The following FKBP1A variants were observed in gnomAD, a reference collection of about 807,000 sequenced individuals.
FKBP1A encodes the protein peptidyl-prolyl cis-trans isomerase FKBP1A.
In FKBP1A, 5 loss-of-function variants were observed where a neutral mutation model predicts 14.2. That is an observed-to-expected ratio of 0.35 (90% confidence interval 0.18 to 0.74). The LOEUF is 0.74. FKBP1A is among the 30% of genes least tolerant of loss of function. The pLI, the probability that FKBP1A is intolerant of heterozygous loss-of-function variation, is 0.56. For missense variants in FKBP1A, 53 were observed against 138.8 expected (o/e 0.38, Z 3.10); for synonymous variants, 42 against 49.1 (o/e 0.86, Z 0.60).
At chr20:1,383,702 AAT>A (rs1335814824) in intron 2 of FKBP1A, among the ~76,000 whole-genome samples, 217 of 126,390 alleles carry the variant, frequency 1.7e-3, no homozygotes, top group Middle Eastern at 7.6e-3. Flanking sequence ...AAAAAAAAAA[AAT>A]TTAGCCAGAC....
In FKBP1A at chr20:1,386,870, G is replaced by A. The variant is rs1365681744; in HGVS notation, c.85+5964C>T. On this transcript the variant is annotated intron_variant, in intron 2 of 4. Transcript: ENST00000400137. This position sits in a 1 kb window ranked among gnomAD's most constrained non-coding sequence, Gnocchi z 4.7. ...CCTGGTCAAAATCAAAGGGGTCCAG[G>A]GGAGGGAATGCAGAGACTTGGTTAA... Among the ~76,000 whole-genome samples the A allele has an allele frequency of 6.6e-6, 1 of 152,134 alleles. No individual in the cohort carries two copies. Among genetic ancestry groups the A allele is most frequent in the South Asian group, 2.1e-4 (1 of 4,816 alleles).
intron 3 of FKBP1A, chr20:1,375,209 G>A (rs2089524258): frequency 1.8e-6 from 1 of 560,706 alleles, no homozygotes; most frequent in South Asian, 2.4e-5. Flanking sequence ...CCTCTTTTAT[G>A]TAGTGGTATT....
intron 2 of FKBP1A, among the ~76,000 whole-genome samples, chr20:1,388,882 T>C (rs4337542): frequency 1.3e-5 from 2 of 152,044 alleles, no homozygotes; most frequent in Non-Finnish European, 2.9e-5. Context: ...TTTCACACAA[T>C]CCACTTCCTG....
intron 2 of FKBP1A, among the ~76,000 whole-genome samples, chr20:1,383,199 GAAGAAGGC>G (rs969782603): frequency 4.6e-5 from 7 of 152,196 alleles, no homozygotes; most frequent in Non-Finnish European, 1.0e-4. Flanking sequence ...TAACAGGACT[GAAGAAGGC>G]ACCTCTACAG....
At chr20:1,371,176 G>GA (rs2089459164) in intron 4 of FKBP1A, 1 of 985,302 alleles carries the variant, frequency 1.0e-6, no homozygotes, top group African/African-American at 1.7e-5. Context: ...AAATAAAAAG[G>GA]TCTGGGGCCA....
At chr20:1,388,710 GC>G (rs1183690587) in intron 2 of FKBP1A, among the ~76,000 whole-genome samples, 5 of 142,232 alleles carry the variant, frequency 3.5e-5, no homozygotes, top group Non-Finnish European at 7.7e-5. Context: ...GCCCCCAAAA[GC>G]CCATTGTCCA....
chr20:1,389,204 A>C (rs2089704238), intron 2 of FKBP1A, among the ~76,000 whole-genome samples: 2 of 152,172 alleles, frequency 1.3e-5, no homozygotes, highest in East Asian at 3.8e-4. Flanking sequence ...CCACCAGATC[A>C]GGTCTTTGTC....
At chr20:1,381,338 A>G (rs1347542183) in intron 2 of FKBP1A, among the ~76,000 whole-genome samples, 1 of 152,252 alleles carries the variant, frequency 6.6e-6, no homozygotes, top group South Asian at 2.1e-4. Flanking sequence ...AAAAGATGCT[A>G]AACATTCCTA....
At chr20:1,375,034 G>C (rs886768332) in intron 3 of FKBP1A, among the ~76,000 whole-genome samples, 1 of 151,904 alleles carries the variant, frequency 6.6e-6, no homozygotes, top group South Asian at 2.1e-4. Flanking sequence ...ATGGGGTTTC[G>C]CCATGTTGGC....
chr20:1,371,677 T>A (rs993143353), intron 4 of FKBP1A: 3 of 983,536 alleles, frequency 3.1e-6, no homozygotes, highest in Middle Eastern at 5.2e-4. Context: ...GGCTTTTTTT[T>A]TCCCCCTCTA....
chr20:1,372,553 TCTCACCACC>T, intron 3 of FKBP1A, among the ~76,000 whole-genome samples: 1 of 152,312 alleles, frequency 6.6e-6, no homozygotes, highest in East Asian at 1.9e-4. Flanking sequence ...ATTCCAGATG[TCTCACCACC>T]TAGTCCCCTT....
At chr20:1,370,476 T>C (rs1205220157) in intron 4 of FKBP1A, 2 of 975,860 alleles carry the variant, frequency 2.0e-6, no homozygotes, top group Admixed American at 6.2e-5. Context: ...GGTTTAGGGT[T>C]TGACCTGGGC....
chr20:1,385,923 A>T (rs2089664906), intron 2 of FKBP1A, among the ~76,000 whole-genome samples: 1 of 152,232 alleles, frequency 6.6e-6, no homozygotes, highest in Non-Finnish European at 1.5e-5. Context: ...CAATCTATCT[A>T]AAACCTCAAC....
Position 1,386,997 on chromosome 20 carries a change from G to A in FKBP1A, c.85+5837C>T, listed in dbSNP as rs1185437505. ...CCAAAGGGAGAACTGAATGCTATGT[G>A]ATTAAGTTATTCATAACCTTGGCTT... On this transcript the variant is annotated intron_variant, in intron 2 of 4. Coordinates refer to ENST00000400137, the MANE Select transcript of FKBP1A (RefSeq NM_000801.5). This position sits in a 1 kb window ranked among gnomAD's most constrained non-coding sequence, Gnocchi z 4.7. Among the ~76,000 whole-genome samples the A allele has an allele frequency of 6.6e-6, 1 of 152,196 alleles. No homozygotes were observed. Among genetic ancestry groups the A allele is most frequent in the African/African-American group, 2.4e-5 (1 of 41,450 alleles).
chr20:1,385,571 C>CA (rs1220201641), intron 2 of FKBP1A, among the ~76,000 whole-genome samples: 1 of 152,074 alleles, frequency 6.6e-6, no homozygotes, highest in Non-Finnish European at 1.5e-5. Flanking sequence ...AAACCTGACA[C>CA]AGCAGCCAGA....
rs1217877785 is a variant in FKBP1A at position 1,386,217 on chromosome 20, G to T, written c.85+6617C>A. The stretch of plus-strand genomic sequence containing the variant: ...CACCATACACACCCAAGACCAAATG[G>T]CACTTCCTCCAAGAAGTTCTAGCCT... On this transcript the variant is annotated intron_variant, in intron 2 of 4. Transcript: ENST00000400137. The surrounding 1 kb of genome is among the most constrained non-coding windows in gnomAD (Gnocchi z 4.7). Among the ~76,000 whole-genome samples, 4 of 152,174 alleles carry T rather than the reference G, an allele frequency of 2.6e-5. No homozygotes were observed. The highest frequency in any genetic ancestry group is 5.9e-5 in the Non-Finnish European group (4 of 68,038).
rs1482575878 is a variant in FKBP1A at position 1,379,870 on chromosome 20, G to GAACAGGCCA, written c.86-4276_86-4268dup. Among the ~76,000 whole-genome samples, 2 of 152,224 alleles carry GAACAGGCCA rather than the reference G, an allele frequency of 1.3e-5. No homozygotes were observed. Among genetic ancestry groups the GAACAGGCCA allele is most frequent in the African/African-American group, 4.8e-5 (2 of 41,468 alleles). On this transcript the variant is annotated intron_variant, in intron 2 of 4. Transcript: ENST00000400137. This position sits in a 1 kb window ranked among gnomAD's most constrained non-coding sequence, Gnocchi z 4.3. ...GAAGGAGGGCTTCCCCAGTGGGGAGGAACAGGCCACTTATCTATGGCCCTA... is the reference window on the plus strand; with the variant it reads ...GAAGGAGGGCTTCCCCAGTGGGGAGGAACAGGCCAAACAGGCCACTTATCTATGGCCCTA...
At chr20:1,372,010 A>G in intron 4 of FKBP1A, 66 bp downstream of exon 4, 1 of 1,555,706 alleles carries the variant, frequency 6.4e-7, no homozygotes, top group East Asian at 2.3e-5. Context: ...GCTACCCATC[A>G]AACGCTGGGC....
rs1459931447 is a variant in FKBP1A, at chr20:1,375,606, GT to G, written c.86-4del. On this transcript the variant is annotated splice_region_variant and splice_polypyrimidine_tract_variant and intron_variant, in intron 2 of 4. Coordinates refer to ENST00000400137, the MANE Select transcript of FKBP1A (RefSeq NM_000801.5). ...TTTCTTTCCATCTTCAAGCATCCCTGTGAAAAAGACGACTGTAACATGAGCA... is the reference window on the plus strand; with the variant it reads ...TTTCTTTCCATCTTCAAGCATCCCTGGAAAAAGACGACTGTAACATGAGCA... 5 of 1,605,368 alleles carry G rather than the reference GT, an allele frequency of 3.1e-6. No homozygotes were observed. Among genetic ancestry groups the G allele is most frequent in the Non-Finnish European group, 8.5e-7 (1 of 1,172,100 alleles).
Sources: allele counts gnomAD v4.1 joint callset (sites outside exome capture counted in the v4.1 genomes callset), GRCh38; gene constraint gnomAD v4.1.1; non-coding constraint Gnocchi (gnomAD v3.1); transcripts MANE v1.5; gene names NCBI Gene and HGNC (gene_info 2026-07-23, HGNC 2026-07-21).